NCAPG2: variants seen among roughly 807,000 people sequenced by gnomAD.
NCAPG2 encodes condensin-2 complex subunit G2.
NCAPG2 carries 53 observed loss-of-function variants against 141.1 expected under a neutral mutation model. The ratio of observed to expected loss-of-function variants is 0.38; its 90% CI spans 0.30 to 0.47. NCAPG2 has a LOEUF of 0.47. Among genes scored for constraint, NCAPG2 ranks in the 20% least tolerant of loss-of-function variants. The probability of loss-of-function intolerance (pLI) is 0.99; values close to 1 mark genes in which losing one functional copy is unlikely to be tolerated. For missense variants in NCAPG2, 1,087 were observed against 1,389.0 expected (o/e 0.78, Z 3.46); for synonymous variants, 499 against 490.7 (o/e 1.02, Z -0.22).
At chr7:158,650,321 A>C (rs1015247689) in intron 24 of NCAPG2, among the ~76,000 whole-genome samples, 1 of 152,254 alleles carries the variant, frequency 6.6e-6, no homozygotes, top group Non-Finnish European at 1.5e-5. Context: ...CTGGGATTAC[A>C]GGCATGAGCC....
rs1348340946 is a variant in NCAPG2, at chr7:158,692,933, A to G, written c.291T>C (p.Tyr97=). 4.4e-6 allele frequency: 7 copies of G among 1,577,180 alleles called. No homozygotes were observed. The highest frequency in any genetic ancestry group is 1.4e-5 in the African/African-American group (1 of 73,918). ...SKMRKSIEII[Y]AITSVILASV... ...AAGCAAGAATCACAGATGTAATTGC[A>G]TAAATTATTTCTATGCTTTTTCTCT... The change falls in exon 4 of 28, where the codon TAT becomes TAC. Residue 97 remains tyrosine (Y), a synonymous_variant. Coordinates refer to ENST00000356309, the MANE Select transcript of NCAPG2 (RefSeq NM_017760.7).
intron 13 of NCAPG2, chr7:158,665,257 AC>A (rs1016762237): frequency 6.3e-6 from 1 of 157,686 alleles, no homozygotes; most frequent in African/African-American, 2.4e-5. Context: ...ATCATCATGG[AC>A]GCCCACAGCC....
At chr7:158,704,559 G>T (rs1836046492) in intron 1 of NCAPG2, among the ~76,000 whole-genome samples, 165 bp downstream of exon 1, 1 of 152,132 alleles carries the variant, frequency 6.6e-6, no homozygotes, top group African/African-American at 2.4e-5. Context: ...CGCCAGTTCC[G>T]TCCAGTTCCG....
rs1412987441 is a variant in NCAPG2 at position 158,633,857 on chromosome 7, C to T, written c.3381-2140G>A. Among the ~76,000 whole-genome samples the T allele has an allele frequency of 6.6e-6, 1 of 152,062 alleles. No individual in the cohort carries two copies. The highest frequency in any genetic ancestry group is 1.9e-4 in the East Asian group (1 of 5,168). ...CCTTGACCTCTCGGGCTCAAGCAAT[C>T]CTCCCAGCTCACCCTCCCAAGTAGC... On this transcript the variant is annotated intron_variant, in intron 27 of 27. Transcript: ENST00000356309. This position sits in a 1 kb window ranked among gnomAD's most constrained non-coding sequence, Gnocchi z 4.1.
chr7:158,631,634 C>A lies in NCAPG2; in HGVS notation c.*32G>T. On this transcript the variant is annotated 3_prime_UTR_variant, in exon 28 of 28. Coordinates refer to ENST00000356309, the MANE Select transcript of NCAPG2 (RefSeq NM_017760.7). ...GCATTTCAATTTGAATCACTTTTCC[C>A]TATTTTTACATGTCTGGAGATGTTG... 6.5e-7 allele frequency: 1 copy of A among 1,533,952 alleles called. No homozygotes were observed. The highest frequency in any genetic ancestry group is 9.0e-7 in the Non-Finnish European group (1 of 1,109,256).
At chr7:158,651,004 A>G in intron 23 of NCAPG2, 32 bp from the exon 24 acceptor site, 1 of 1,535,074 alleles carries the variant, frequency 6.5e-7, no homozygotes, top group Non-Finnish European at 8.7e-7. Context: ...ACTTTTAATG[A>G]CTAAAAACCA....
At chr7:158,631,852 G>A in intron 27 of NCAPG2, 135 bp from the exon 28 acceptor site, 1 of 709,002 alleles carries the variant, frequency 1.4e-6, no homozygotes. Flanking sequence ...ATCTATAGAT[G>A]TTTCATTAAT....
chr7:158,685,891 C>T (rs1376003600), intron 8 of NCAPG2, among the ~76,000 whole-genome samples: 2 of 152,142 alleles, frequency 1.3e-5, no homozygotes, highest in African/African-American at 4.8e-5. Context: ...ACACTTACAA[C>T]ACATCTTGAT....
At chr7:158,687,535 T>C (rs1030428688) in intron 6 of NCAPG2, 93 bp from the exon 7 acceptor site, 8 of 876,466 alleles carry the variant, frequency 9.1e-6, no homozygotes, top group South Asian at 1.7e-5. Context: ...AAGCTAAACA[T>C]TGCTATTGCT....
chr7:158,692,725 G>A, intron 4 of NCAPG2, 117 bp downstream of exon 4: 1 of 776,524 alleles, frequency 1.3e-6, no homozygotes, highest in Non-Finnish European at 2.1e-6. Context: ...TAGGCAACAA[G>A]AGCGAAACTC....
intron 27 of NCAPG2, among the ~76,000 whole-genome samples, chr7:158,636,402 C>CTTTTTTTT (rs59810481): frequency 1.0e-4 from 14 of 135,762 alleles, no homozygotes; most frequent in East Asian, 2.2e-4. Flanking sequence ...TTCTTTTTTT[C>CTTTTTTTT]TTTTTTTTTT....
intron 12 of NCAPG2, among the ~76,000 whole-genome samples, chr7:158,672,133 A>G (rs950886194): frequency 6.6e-6 from 1 of 151,854 alleles, no homozygotes; most frequent in Non-Finnish European, 1.5e-5. Context: ...GCCACGTAGC[A>G]GGTGGCACTC....
intron 13 of NCAPG2, among the ~76,000 whole-genome samples, chr7:158,666,697 C>A (rs573335897): frequency 6.6e-6 from 1 of 151,870 alleles, no homozygotes; most frequent in East Asian, 1.9e-4. Flanking sequence ...GAGACCAAGG[C>A]AGGAGGATCG....
intron 13 of NCAPG2, among the ~76,000 whole-genome samples, chr7:158,670,323 T>G (rs1394283282): frequency 6.6e-6 from 1 of 152,200 alleles, no homozygotes; most frequent in Non-Finnish European, 1.5e-5. Context: ...CCCAGCACTT[T>G]GGGAGGCCAA....
At chr7:158,655,662 C>T (rs1831862126) in intron 19 of NCAPG2, among the ~76,000 whole-genome samples, 1 of 152,310 alleles carries the variant, frequency 6.6e-6, no homozygotes, top group African/African-American at 2.4e-5. Flanking sequence ...AGCCTCAGCT[C>T]ACCGTCCACA....
At position 158,650,457 on chromosome 7, in the gene NCAPG2, A is replaced by T. The variant is rs938588080; in HGVS notation, c.3075+375T>A. Among the ~76,000 whole-genome samples the T allele has an allele frequency of 2.0e-5, 3 of 152,342 alleles. No homozygotes were observed. In the East Asian group the frequency reaches 5.8e-4, roughly 29 times the overall value. On this transcript the variant is annotated intron_variant, in intron 24 of 27. Coordinates refer to ENST00000356309, the MANE Select transcript of NCAPG2 (RefSeq NM_017760.7). ...AACTATTCCACAAAAGCACTCCTAG[A>T]GTAGTCTTGTATTCTGCTCACCACT...
chr7:158,684,833 G>A (rs1034510808), intron 8 of NCAPG2, among the ~76,000 whole-genome samples: 3 of 152,348 alleles, frequency 2.0e-5, no homozygotes, highest in East Asian at 1.9e-4. Flanking sequence ...GATTACAGGC[G>A]TGAGCTACCA....
rs1292221126 is a variant in NCAPG2 at position 158,704,717 on chromosome 7, C to T, written c.-40+7G>A. The T allele has an allele frequency of 1.3e-5, 2 of 152,394 alleles. No individual in the cohort carries two copies. The highest frequency in any genetic ancestry group is 2.9e-5 in the Non-Finnish European group (2 of 68,196). The allele number at this position is 152,394 out of a possible 1,614,324, so 9.4% of individuals were successfully genotyped here. ...ACCCAATCCCGGCTCGGCACCGCAG[C>T]TCTTACCTGGGCTCGGGGACCCGCC... is the stretch of plus-strand genomic sequence containing the variant. On this transcript the variant is annotated splice_region_variant and intron_variant, in intron 1 of 27. Coordinates refer to ENST00000356309, the MANE Select transcript of NCAPG2 (RefSeq NM_017760.7).
intron 15 of NCAPG2, among the ~76,000 whole-genome samples, chr7:158,663,211 C>A (rs918333450): frequency 2.0e-5 from 3 of 152,216 alleles, no homozygotes; most frequent in African/African-American, 7.2e-5. Context: ...GAGGGAGAAG[C>A]CCTGAGAGAA....
Sources: gnomAD v4.1 joint callset for allele counts (sites outside exome capture counted in the v4.1 genomes callset) on GRCh38, gnomAD v4.1.1 for gene constraint, Gnocchi (gnomAD v3.1) non-coding constraint, MANE v1.5 for transcripts, NCBI Gene and HGNC (gene_info 2026-07-23, HGNC 2026-07-21) for gene names.